MYO1D: variants seen among roughly 807,000 people sequenced by gnomAD.
The protein encoded by MYO1D is unconventional myosin-Id.
MYO1D carries 83 observed loss-of-function variants against 122.0 expected under a neutral mutation model. The observed-to-expected ratio is 0.68, with a 90% CI of 0.57 to 0.82. The LOEUF (loss-of-function observed/expected upper bound fraction) is 0.82, where lower values mean the gene tolerates loss of function less well. Ranked by LOEUF, MYO1D falls within the 40% of genes least tolerant of loss-of-function variation. The pLI is 0.00. For missense variants in MYO1D, 1,157 were observed against 1,269.5 expected (o/e 0.91, Z 1.35); for synonymous variants, 464 against 446.9 (o/e 1.04, Z -0.48).
intron 21 of MYO1D, among the ~76,000 whole-genome samples, chr17:32,569,738 T>C (rs225214): frequency 0.45 from 69,187 of 152,104 alleles, 16,145 homozygotes; most frequent in East Asian, 0.56. Context: ...AGAAAGTAAA[T>C]GCAACACAGT....
intron 1 of MYO1D, among the ~76,000 whole-genome samples, chr17:32,873,119 T>C (rs1227738247): frequency 6.6e-6 from 1 of 152,060 alleles, no homozygotes; most frequent in African/African-American, 2.4e-5. Flanking sequence ...AACAAGAAGA[T>C]AATTCTAAAA....
At chr17:32,581,860 G>C (rs137992694) in intron 21 of MYO1D, among the ~76,000 whole-genome samples, 2 of 152,176 alleles carry the variant, frequency 1.3e-5, no homozygotes, top group East Asian at 3.9e-4. Context: ...CTGCTCCGAG[G>C]TTCAAGCAAT....
intron 21 of MYO1D, among the ~76,000 whole-genome samples, chr17:32,583,358 G>T (rs973647053): frequency 2.0e-5 from 3 of 152,046 alleles, no homozygotes; most frequent in African/African-American, 7.2e-5. Flanking sequence ...TTTTCTTCAT[G>T]ATTTTTTTTG....
rs182678284 is a variant in MYO1D at position 32,581,071 on chromosome 17, G to C, written c.2864+24016C>G. 1.5e-3 allele frequency among the ~76,000 whole-genome samples: 234 copies of C among 152,276 alleles called. 1 individual carries two copies. The highest frequency in any genetic ancestry group is 6.3e-4 in the Non-Finnish European group (43 of 68,016). On this transcript the variant is annotated intron_variant, in intron 21 of 21. Coordinates refer to ENST00000318217, the MANE Select transcript of MYO1D (RefSeq NM_015194.3). ...TAGAACTCCCCAGTAAAGGCATCTA[G>C]ATCTGGAGTTTCCCTTGTGGAAAGG...
intron 16 of MYO1D, among the ~76,000 whole-genome samples, chr17:32,690,195 T>C (rs2089076975): frequency 6.6e-6 from 1 of 151,702 alleles, no homozygotes; most frequent in Non-Finnish European, 1.5e-5. Flanking sequence ...CTTTTTTTTT[T>C]TTTTTGAGAT....
chr17:32,733,675 C>G lies in MYO1D; in HGVS notation c.1746+4578G>C, dbSNP rs191418859. 3.3e-5 allele frequency among the ~76,000 whole-genome samples: 5 copies of G among 152,290 alleles called. No individual in the cohort carries two copies. The East Asian group carries it at 7.7e-4, about 24-fold the overall frequency. The stretch of plus-strand genomic sequence containing the variant: ...ACTTCAAGGACCCAGCCTTGAATAA[C>G]TATATTCAAAGTTACACACTTCAAC... On this transcript the variant is annotated intron_variant, in intron 14 of 21. Coordinates refer to ENST00000318217, the MANE Select transcript of MYO1D (RefSeq NM_015194.3).
intron 15 of MYO1D, among the ~76,000 whole-genome samples, chr17:32,713,806 T>G (rs1449169043): frequency 6.6e-6 from 1 of 152,050 alleles, no homozygotes; most frequent in Non-Finnish European, 1.5e-5. Flanking sequence ...TTGTTAACAG[T>G]AGAGATGGGG....
At chr17:32,504,002 A>C (rs1909410665) in intron 21 of MYO1D, among the ~76,000 whole-genome samples, 1 of 152,224 alleles carries the variant, frequency 6.6e-6, no homozygotes, top group South Asian at 2.1e-4. Context: ...CAAGTCCAGG[A>C]GTGGTGGCGT....
chr17:32,800,041 G>C (rs1007036445), intron 1 of MYO1D, among the ~76,000 whole-genome samples: 5 of 152,108 alleles, frequency 3.3e-5, no homozygotes, highest in African/African-American at 1.2e-4. Flanking sequence ...GAGATAAGAA[G>C]TGTTAGAGAC....
chr17:32,510,179 C>T (rs1326147045), intron 21 of MYO1D: 1 of 152,210 alleles, frequency 6.6e-6, no homozygotes, highest in Admixed American at 6.5e-5. Context: ...ACAGCATTTG[C>T]GCCTCCATTC....
intron 20 of MYO1D, among the ~76,000 whole-genome samples, chr17:32,617,144 T>C (rs377597468): frequency 1.3e-5 from 2 of 152,138 alleles, no homozygotes; most frequent in South Asian, 2.1e-4. Context: ...CACGCCACTG[T>C]ACTCTAGCCT....
At chr17:32,509,064 T>C (rs1256736585) in intron 21 of MYO1D, among the ~76,000 whole-genome samples, 5 of 152,268 alleles carry the variant, frequency 3.3e-5, no homozygotes, top group Non-Finnish European at 7.3e-5. Flanking sequence ...GACATGAGGC[T>C]GGCCTCACCC....
At chr17:32,746,056 C>G (rs992608635) in intron 12 of MYO1D, among the ~76,000 whole-genome samples, 1 of 152,190 alleles carries the variant, frequency 6.6e-6, no homozygotes, top group African/African-American at 2.4e-5. Flanking sequence ...GTTCTGCTCT[C>G]GTGCCTGTTT....
At chr17:32,662,234 C>A (rs896951802) in intron 16 of MYO1D, among the ~76,000 whole-genome samples, 1 of 152,162 alleles carries the variant, frequency 6.6e-6, no homozygotes, top group Non-Finnish European at 1.5e-5. Flanking sequence ...AGGTGTATGG[C>A]CAATACATTT....
chr17:32,725,903 T>C (rs2089566873), intron 14 of MYO1D, among the ~76,000 whole-genome samples: 1 of 152,204 alleles, frequency 6.6e-6, no homozygotes, highest in African/African-American at 2.4e-5. Context: ...GACAGCTAAC[T>C]TCTCAAAAGA....
At chr17:32,690,334 C>A (rs568062254) in intron 16 of MYO1D, among the ~76,000 whole-genome samples, 9 of 152,134 alleles carry the variant, frequency 5.9e-5, no homozygotes, top group African/African-American at 9.6e-5. Context: ...CGCCACCACA[C>A]CAGCTAATTT....
At chr17:32,849,523 G>A (rs2090967204) in intron 1 of MYO1D, among the ~76,000 whole-genome samples, 1 of 151,204 alleles carries the variant, frequency 6.6e-6, no homozygotes, top group Non-Finnish European at 1.5e-5. Flanking sequence ...TAGGGACATG[G>A]ATGAAACTGG....
At chr17:32,704,665 G>T (rs2150982566) in intron 16 of MYO1D, among the ~76,000 whole-genome samples, 1 of 152,312 alleles carries the variant, frequency 6.6e-6, no homozygotes, top group Non-Finnish European at 1.5e-5. Flanking sequence ...GTTAGTACTT[G>T]TCAAGCACTG....
At chr17:32,656,991 G>A (rs1290249463) in intron 17 of MYO1D, among the ~76,000 whole-genome samples, 1 of 152,180 alleles carries the variant, frequency 6.6e-6, no homozygotes, top group Non-Finnish European at 1.5e-5. Context: ...CACACTGGGG[G>A]ATTCAGGACC....
Sources: gnomAD v4.1 joint callset for allele counts (sites outside exome capture counted in the v4.1 genomes callset) on GRCh38, gnomAD v4.1.1 for gene constraint, MANE v1.5 for transcripts, NCBI Gene and HGNC (gene_info 2026-07-23, HGNC 2026-07-21) for gene names.